Variants in LRMDA observed in about 807,000 individuals in gnomAD.
The protein encoded by LRMDA is leucine-rich melanocyte differentiation-associated protein.
LRMDA carries 18 observed loss-of-function variants against 29.8 expected under a neutral mutation model. That is an observed-to-expected ratio of 0.60 (90% CI 0.42 to 0.90). LRMDA has a LOEUF of 0.90. LRMDA is among the 40% of genes least tolerant of loss of function. The pLI is 0.00. For missense variants in LRMDA, 273 were observed against 273.9 expected, an observed-to-expected ratio of 1.00 and a Z score of 0.02; for synonymous variants, 125 against 109.4, an observed-to-expected ratio of 1.14 and a Z score of -0.89.
intron 2 of LRMDA, among the ~76,000 whole-genome samples, chr10:75,476,836 T>C (rs1033012145): frequency 6.6e-6 from 1 of 152,140 alleles, no homozygotes; most frequent in Non-Finnish European, 1.5e-5. Flanking sequence ...TTCTGTAGGC[T>C]CAAAGTCCAA....
chr10:76,279,326 G>T (rs1041176526), intron 5 of LRMDA, among the ~76,000 whole-genome samples: 3 of 152,076 alleles, frequency 2.0e-5, no homozygotes, highest in African/African-American at 7.2e-5. Flanking sequence ...AGTGTTTATA[G>T]CAGTGCCTGG....
At chr10:76,382,922 A>G (rs1453736738) in intron 6 of LRMDA, among the ~76,000 whole-genome samples, 5 of 152,218 alleles carry the variant, frequency 3.3e-5, no homozygotes, top group African/African-American at 1.2e-4. Context: ...AGGAAGAGAA[A>G]TACAGCCAGC....
chr10:75,461,663 A>G lies in LRMDA; in HGVS notation c.131+23169A>G, dbSNP rs77531976. 7.9e-3 allele frequency among the ~76,000 whole-genome samples: 1,197 copies of G among 152,314 alleles called. 14 individuals are homozygous for G. Among genetic ancestry groups the G allele is most frequent in the African/African-American group, 0.027 (1,122 of 41,560 alleles). On this transcript the variant is annotated intron_variant, in intron 2 of 6. Transcript: ENST00000611255. ...AAAATAATCTTGAGCATCTTGATAC[A>G]AGCCTGTCCGTGTTTCCTCTCCACA...
At chr10:76,200,996 C>A (rs200639904) in intron 5 of LRMDA, among the ~76,000 whole-genome samples, 1 of 151,252 alleles carries the variant, frequency 6.6e-6, no homozygotes, top group East Asian at 1.9e-4. Context: ...GGATTACAGG[C>A]GTGAGCCACC....
chr10:76,088,937 A>G (rs1170343702), intron 5 of LRMDA, among the ~76,000 whole-genome samples: 2 of 151,958 alleles, frequency 1.3e-5, no homozygotes, highest in African/African-American at 4.8e-5. Flanking sequence ...AATTGTTCTC[A>G]TTAGTTTGAG....
At chr10:76,254,205 A>G (rs1196952224) in intron 5 of LRMDA, among the ~76,000 whole-genome samples, 2 of 152,006 alleles carry the variant, frequency 1.3e-5, no homozygotes, top group African/African-American at 4.8e-5. Flanking sequence ...TCATAATTAT[A>G]TACTCAGAAT....
chr10:76,369,762 T>C (rs1841431532), intron 6 of LRMDA, among the ~76,000 whole-genome samples: 1 of 152,124 alleles, frequency 6.6e-6, no homozygotes, highest in African/African-American at 2.4e-5. Context: ...GAGGACTCCA[T>C]TTTTGTAAAA....
At chr10:75,863,750 G>T (rs1223581390) in intron 2 of LRMDA, among the ~76,000 whole-genome samples, 1 of 152,174 alleles carries the variant, frequency 6.6e-6, no homozygotes, top group East Asian at 1.9e-4. Context: ...GAGAGGGAAG[G>T]CTCAGCTACT....
At chr10:75,975,683 A>G (rs766806030) in intron 2 of LRMDA, among the ~76,000 whole-genome samples, 4 of 152,104 alleles carry the variant, frequency 2.6e-5, no homozygotes, top group African/African-American at 9.7e-5. Context: ...CTTTGATTCT[A>G]TGTTGTGTGT....
rs188612138 is a variant in LRMDA at position 76,125,238 on chromosome 10, T to A, written c.516+66455T>A. Reference sequence around the variant, plus strand: ...GTTTCCACTTCTTCCTGTTAACACCTTTTCTGCAGGGGTGGAGGGCTAGGG... The same window carrying A: ...GTTTCCACTTCTTCCTGTTAACACCATTTCTGCAGGGGTGGAGGGCTAGGG... On this transcript the variant is annotated intron_variant, in intron 5 of 6. Coordinates refer to ENST00000611255, the MANE Select transcript of LRMDA (RefSeq NM_001305581.2). Among the ~76,000 whole-genome samples, 1,041 of 152,334 alleles carry A rather than the reference T, an allele frequency of 6.8e-3. 4 individuals are homozygous for A. Among genetic ancestry groups the A allele is most frequent in the Non-Finnish European group, 0.01 (696 of 68,036 alleles).
intron 6 of LRMDA, among the ~76,000 whole-genome samples, chr10:76,365,256 A>G (rs1166965138): frequency 6.6e-6 from 1 of 151,654 alleles, no homozygotes; most frequent in African/African-American, 2.4e-5. Context: ...TCCTGTGGCT[A>G]GATACCCAGT....
chr10:76,407,652 G>T (rs1841916513), intron 6 of LRMDA, among the ~76,000 whole-genome samples: 1 of 152,170 alleles, frequency 6.6e-6, no homozygotes, highest in African/African-American at 2.4e-5. Context: ...TAAGAAATAT[G>T]CACAAGATTT....
At chr10:75,944,799 T>C (rs1846451188) in intron 2 of LRMDA, among the ~76,000 whole-genome samples, 1 of 150,450 alleles carries the variant, frequency 6.6e-6, no homozygotes, top group Admixed American at 6.6e-5. Flanking sequence ...TTGTGCTTTT[T>C]AGTTTCCACA....
chr10:75,435,688 ATGT>A (rs760799983), intron 1 of LRMDA, among the ~76,000 whole-genome samples: 16 of 152,158 alleles, frequency 1.1e-4, no homozygotes, highest in Non-Finnish European at 1.9e-4. Context: ...GTCTCATCAG[ATGT>A]TGTGAGTGAT....
intron 2 of LRMDA, among the ~76,000 whole-genome samples, chr10:75,924,383 C>T (rs1173971368): frequency 1.3e-5 from 2 of 152,096 alleles, no homozygotes; most frequent in Middle Eastern, 3.4e-3. Flanking sequence ...CATGCAAGCC[C>T]CATAAAAAAG....
intron 5 of LRMDA, among the ~76,000 whole-genome samples, chr10:76,247,298 G>A (rs962649161): frequency 6.6e-6 from 1 of 152,148 alleles, no homozygotes; most frequent in Non-Finnish European, 1.5e-5. Context: ...TTTAAGGCAT[G>A]GAGAAAAGTG....
chr10:76,240,194 C>A (rs1035598601), intron 5 of LRMDA, among the ~76,000 whole-genome samples: 1 of 142,098 alleles, frequency 7.0e-6, no homozygotes, highest in African/African-American at 2.8e-5. Flanking sequence ...ACACACACAC[C>A]ACACACACAC....
intron 2 of LRMDA, among the ~76,000 whole-genome samples, chr10:75,581,191 A>C (rs540139150): frequency 4.2e-4 from 64 of 152,380 alleles, no homozygotes; most frequent in African/African-American, 1.4e-3. Context: ...GCTAATACCC[A>C]GAATCTATGA....
At chr10:76,091,355 C>T (rs1849230048) in intron 5 of LRMDA, among the ~76,000 whole-genome samples, 1 of 150,866 alleles carries the variant, frequency 6.6e-6, no homozygotes, top group African/African-American at 2.4e-5. Context: ...GTAAGTTATG[C>T]ATGGACTTCT....
Sources: gnomAD v4.1 joint callset for allele counts (sites outside exome capture counted in the v4.1 genomes callset) on GRCh38, gnomAD v4.1.1 for gene constraint, MANE v1.5 for transcripts, NCBI Gene and HGNC (gene_info 2026-07-23, HGNC 2026-07-21) for gene names.